WFDC13: variants seen among roughly 807,000 people sequenced by gnomAD.
WFDC13 encodes WAP four-disulfide core domain 13.
WFDC13 carries 6 observed loss-of-function variants against 10.9 expected under a neutral mutation model. The observed-to-expected ratio is 0.55, with a 90% CI of 0.30 to 1.09. The LOEUF is 1.09. Among genes scored for constraint, WFDC13 ranks in the 50% least tolerant of loss-of-function variants. The probability of loss-of-function intolerance (pLI) is 0.06; values close to 1 mark genes in which losing one functional copy is unlikely to be tolerated. For synonymous variants in WFDC13, 38 were observed against 39.5 expected (o/e 0.96, Z 0.14); for missense variants, 104 against 109.6 (o/e 0.95, Z 0.23).
chr20:45,705,272 A>C, intron 2 of WFDC13: 1 of 438,772 alleles, frequency 2.3e-6, no homozygotes, highest in South Asian at 2.8e-5. Context: ...CCCATATGAA[A>C]TTTCAAAAGA....
At chr20:45,704,788 T>A in intron 2 of WFDC13, 194 bp downstream of exon 2, 1 of 1,285,206 alleles carries the variant, frequency 7.8e-7, no homozygotes, top group African/African-American at 1.5e-5. Context: ...CCTCCTCCCC[T>A]CCCAATCACC....
At chr20:45,704,681 T>G in intron 2 of WFDC13, 87 bp downstream of exon 2, 1 of 1,492,794 alleles carries the variant, frequency 6.7e-7, no homozygotes, top group Non-Finnish European at 8.9e-7. Flanking sequence ...CTGTGCTGGA[T>G]CTCTCCTTTT....
chr20:45,706,573 A>G (rs1410532269), intron 3 of WFDC13, among the ~76,000 whole-genome samples: 1 of 152,036 alleles, frequency 6.6e-6, no homozygotes, highest in Non-Finnish European at 1.5e-5. Flanking sequence ...GGAGTTCAAG[A>G]CCAGCCTGAC....
At chr20:45,704,343 T>G in intron 1 of WFDC13, 101 bp from the exon 2 acceptor site, 148 of 1,470,036 alleles carry the variant, frequency 1.0e-4, no homozygotes, top group Non-Finnish European at 1.2e-4. Context: ...GCAAGGCAGA[T>G]GAGGGTGGCA....
At chr20:45,705,270 A>T in intron 2 of WFDC13, 1 of 443,032 alleles carries the variant, frequency 2.3e-6, no homozygotes. Context: ...GGCCCATATG[A>T]AATTTCAAAA....
intron 3 of WFDC13, 75 bp downstream of exon 3, chr20:45,706,002 C>A (rs1477709765): frequency 1.6e-6 from 2 of 1,270,678 alleles, no homozygotes; most frequent in African/African-American, 1.5e-5. Context: ...TGTAGCCTCA[C>A]CAGGGGCACT....
rs368775627 is a variant in WFDC13 at position 45,704,920 on chromosome 20, G to A, written c.239+326G>A. Reference sequence around the variant, plus strand: ...CCCTTATCCCAGGGACACTGTACCTGCAGGTGTAACCAAAATCCCAAAGCA... The same window carrying A: ...CCCTTATCCCAGGGACACTGTACCTACAGGTGTAACCAAAATCCCAAAGCA... On this transcript the variant is annotated intron_variant, in intron 2 of 3. Transcript: ENST00000305479. 1.5e-5 allele frequency: 25 copies of A among 1,613,820 alleles called. 3 individuals carry two copies. In the Admixed American group the frequency reaches 1.8e-4, roughly 12 times the overall value.
At chr20:45,705,957 T>A in intron 3 of WFDC13, 30 bp downstream of exon 3, 1 of 1,577,286 alleles carries the variant, frequency 6.3e-7, no homozygotes, top group Non-Finnish European at 8.7e-7. Flanking sequence ...CTCGCCTTCC[T>A]CATGTGAGAT....
intron 1 of WFDC13, among the ~76,000 whole-genome samples, chr20:45,702,941 A>G (rs1470699899): frequency 2.0e-5 from 3 of 152,214 alleles, no homozygotes; most frequent in Non-Finnish European, 4.4e-5. Context: ...GTGGTAGCTC[A>G]TGTGTCTGGG....
Position 45,702,307 on chromosome 20 carries a change from C to T in WFDC13, c.88+96C>T, listed in dbSNP as rs113067416. The T allele has an allele frequency of 7.1e-4, 895 of 1,268,702 alleles. 8 individuals are homozygous for T. The African/African-American group carries it at 0.011, about 15-fold the overall frequency. The allele number at this position is 1,268,702 out of a possible 1,614,324, so 78.6% of individuals were successfully genotyped here. On this transcript the variant is annotated intron_variant, in intron 1 of 3. Transcript: ENST00000305479. ...TCTGTCACACCTCTTGGAAAAATACCGTGTCATGTTCAAGGGCCCAAGCTT... is the reference window on the plus strand; with the variant it reads ...TCTGTCACACCTCTTGGAAAAATACTGTGTCATGTTCAAGGGCCCAAGCTT...
chr20:45,705,015 G>A (rs760170695), intron 2 of WFDC13: 19 of 1,611,690 alleles, frequency 1.2e-5, no homozygotes, highest in Non-Finnish European at 1.5e-5. Flanking sequence ...GTGTTCTTGG[G>A]CTCTGGAGAT....
chr20:45,706,531 TCG>T (rs1984397093), intron 3 of WFDC13, among the ~76,000 whole-genome samples: 1 of 152,200 alleles, frequency 6.6e-6, no homozygotes, highest in African/African-American at 2.4e-5. Context: ...CCCAGCACTT[TCG>T]GAGGCCAAGG....
At chr20:45,705,831 A>G in intron 2 of WFDC13, 32 bp from the exon 3 acceptor site, 1 of 1,598,746 alleles carries the variant, frequency 6.3e-7, no homozygotes, top group Non-Finnish European at 8.6e-7. Flanking sequence ...AAACTTCACT[A>G]GTTAATATTT....
In WFDC13 at chr20:45,702,095, A is replaced by G; in HGVS notation, c.-29A>G. 1 of 1,605,914 alleles carries G rather than the reference A, an allele frequency of 6.2e-7. No individual in the cohort carries two copies. Among genetic ancestry groups the G allele is most frequent in the Non-Finnish European group, 8.5e-7 (1 of 1,175,974 alleles). On this transcript the variant is annotated 5_prime_UTR_variant, in exon 1 of 4. Coordinates refer to ENST00000305479, the MANE Select transcript of WFDC13 (RefSeq NM_172005.2). ...TGGTCAAACCCAGCAACCCTTGGCC[A>G]GAACTTACTCACCCATCCCACTGAC... is the stretch of plus-strand genomic sequence containing the variant.
At chr20:45,706,627 T>C (rs1189807767) in intron 3 of WFDC13, among the ~76,000 whole-genome samples, 1 of 151,988 alleles carries the variant, frequency 6.6e-6, no homozygotes, top group East Asian at 1.9e-4. Context: ...CAAAAATTAG[T>C]TGGGTGTGAT....
rs977273204 is a variant in WFDC13, at chr20:45,708,580, A to T, written c.*745A>T. 6.6e-6 allele frequency: 1 copy of T among 152,246 alleles called. No homozygotes were observed. Among genetic ancestry groups the T allele is most frequent in the Non-Finnish European group, 1.5e-5 (1 of 68,042 alleles). The allele number at this position is 152,246 out of a possible 1,614,324, so 9.4% of individuals were successfully genotyped here. A position where few individuals can be genotyped will look rare whatever the true frequency, so the allele number is the denominator to read the frequency against. ...TCAACCATGCTAGAGCAAAGATTGA[A>T]TTATCCTTCTGTTCTCTCTACAGAA... On this transcript the variant is annotated 3_prime_UTR_variant, in exon 4 of 4. Transcript: ENST00000305479.
At chr20:45,704,023 C>T (rs1984284838) in intron 1 of WFDC13, among the ~76,000 whole-genome samples, 1 of 152,152 alleles carries the variant, frequency 6.6e-6, no homozygotes, top group Non-Finnish European at 1.5e-5. Context: ...TAGGTTAACC[C>T]CAGGGTAAAC....
intron 3 of WFDC13, among the ~76,000 whole-genome samples, chr20:45,706,583 C>T (rs1237903751): frequency 6.6e-6 from 1 of 151,866 alleles, no homozygotes; most frequent in Non-Finnish European, 1.5e-5. Context: ...ACCAGCCTGA[C>T]CAACAGAGTG....
At chr20:45,704,727 C>A (rs540839245) in intron 2 of WFDC13, 133 bp downstream of exon 2, 1 of 1,408,516 alleles carries the variant, frequency 7.1e-7, no homozygotes, top group Non-Finnish European at 9.6e-7. Context: ...TGCCAACATG[C>A]CCCTTCTCTT....
Sources: allele counts gnomAD v4.1 joint callset (sites outside exome capture counted in the v4.1 genomes callset), GRCh38; gene constraint gnomAD v4.1.1; transcripts MANE v1.5; gene names NCBI Gene and HGNC (gene_info 2026-07-23, HGNC 2026-07-21).